Variants in TXNDC5 observed in about 807,000 individuals in gnomAD.
TXNDC5 encodes thioredoxin domain-containing protein 5.
TXNDC5 carries 44 observed loss-of-function variants against 52.6 expected under a neutral mutation model. The observed-to-expected ratio is 0.84, with a 90% CI of 0.66 to 1.08. The LOEUF is 1.08. Ranked by LOEUF, TXNDC5 falls within the 50% of genes least tolerant of loss-of-function variation. The pLI, the probability that TXNDC5 is intolerant of heterozygous loss-of-function variation, is 0.00. For missense variants in TXNDC5, 600 were observed against 565.5 expected (o/e 1.06, Z -0.62); for synonymous variants, 241 against 234.4 (o/e 1.03, Z -0.26).
At chr6:7,883,489 TCA>T (rs774404219) in intron 9 of TXNDC5, among the ~76,000 whole-genome samples, 10 of 152,192 alleles carry the variant, frequency 6.6e-5, no homozygotes, top group Non-Finnish European at 1.3e-4. Flanking sequence ...TCATTAAAGA[TCA>T]GCCTCAAAGG....
intron 1 of TXNDC5, among the ~76,000 whole-genome samples, chr6:7,908,107 A>G (rs1760795273): frequency 6.6e-6 from 1 of 151,936 alleles, no homozygotes; most frequent in South Asian, 2.1e-4. Context: ...ACATGGTGAA[A>G]CCCCATCTCT....
chr6:7,902,468 C>T (rs940597730), intron 2 of TXNDC5, among the ~76,000 whole-genome samples: 1 of 152,196 alleles, frequency 6.6e-6, no homozygotes, highest in South Asian at 2.1e-4. Flanking sequence ...GAAAGAATAA[C>T]GTGAAAGCTC....
rs1318785698 is a variant in TXNDC5 at position 7,903,741 on chromosome 6, G to A, written c.413+833C>T. Among the ~76,000 whole-genome samples, 5 of 152,208 alleles carry A rather than the reference G, an allele frequency of 3.3e-5. No individual in the cohort carries two copies. In the South Asian group the frequency reaches 6.2e-4, roughly 19 times the overall value. On this transcript the variant is annotated intron_variant, in intron 2 of 9. Coordinates refer to ENST00000379757, the MANE Select transcript of TXNDC5 (RefSeq NM_030810.5). Reference sequence around the variant, plus strand: ...TGAAACAAACAGCAAGGAAGTGACCGTGGCAATCCCTCCACCTCCTTCAGA... The same window carrying A: ...TGAAACAAACAGCAAGGAAGTGACCATGGCAATCCCTCCACCTCCTTCAGA...
At chr6:7,884,269 A>G in intron 9 of TXNDC5, 90 bp downstream of exon 9, 1 of 1,542,090 alleles carries the variant, frequency 6.5e-7, no homozygotes, top group Non-Finnish European at 8.9e-7. Context: ...AGAAGATGAG[A>G]GCAGAGTGAG....
intron 1 of TXNDC5, chr6:7,910,208 C>T (rs1171700851): frequency 4.3e-6 from 4 of 940,462 alleles, no homozygotes; most frequent in South Asian, 4.8e-5. Context: ...CGCCTCCCGA[C>T]CCGGAGCCCC....
At chr6:7,888,654 G>A (rs1294653659) in intron 7 of TXNDC5, 51 bp downstream of exon 7, 6 of 1,561,432 alleles carry the variant, frequency 3.8e-6, no homozygotes, top group African/African-American at 1.4e-5. Flanking sequence ...GAGGTGGGGG[G>A]CCGGGGGCCA....
chr6:7,889,615 T>C (rs1203217082), intron 5 of TXNDC5, 34 bp from the exon 6 acceptor site: 1 of 1,559,052 alleles, frequency 6.4e-7, no homozygotes, highest in South Asian at 1.1e-5. Flanking sequence ...TCCCAGTCAG[T>C]TTCTTCATGA....
At position 7,910,621 on chromosome 6, in the gene TXNDC5, T is replaced by C. The variant is rs1760888124; in HGVS notation, c.156A>G (p.Ala52=). The change falls in exon 1 of 10, where the codon GCA becomes GCG. Residue 52 remains alanine (A), a synonymous_variant. Coordinates refer to ENST00000379757, the MANE Select transcript of TXNDC5 (RefSeq NM_030810.5). ...AAAAADGPPA[A]DGEDGQDPHS... ...GCGGGTCCTGTCCGTCCTCGCCGTC[T>C]GCCGCGGGGGGCCCGTCCGCCGCCG... 7.7e-7 allele frequency: 1 copy of C among 1,300,802 alleles called. No homozygotes were observed. 80.6% of individuals were successfully genotyped at this position (1,300,802 alleles called of 1,614,324 possible). A position where few individuals can be genotyped will look rare whatever the true frequency, so the allele number is the denominator to read the frequency against.
intron 3 of TXNDC5, among the ~76,000 whole-genome samples, chr6:7,895,676 T>C (rs1760346170): frequency 6.6e-6 from 1 of 152,020 alleles, no homozygotes; most frequent in African/African-American, 2.4e-5. Context: ...CCCTAGCATT[T>C]TGGGAGGCTG....
At chr6:7,897,018 G>A (rs930478817) in intron 3 of TXNDC5, among the ~76,000 whole-genome samples, 5 of 152,058 alleles carry the variant, frequency 3.3e-5, no homozygotes, top group Non-Finnish European at 7.4e-5. Flanking sequence ...TCAAAAGAAG[G>A]GGGGGTGGAA....
rs1205304456 is a variant in TXNDC5 at position 7,882,830 on chromosome 6, T to C, written c.*314A>G. 1 of 224,802 alleles carries C rather than the reference T, an allele frequency of 4.4e-6. No homozygotes were observed. Among genetic ancestry groups the C allele is most frequent in the Non-Finnish European group, 8.8e-6 (1 of 113,934 alleles). The allele number at this position is 224,802 out of a possible 1,614,324, so 13.9% of individuals were successfully genotyped here. On this transcript the variant is annotated 3_prime_UTR_variant, in exon 10 of 10. Coordinates refer to ENST00000379757, the MANE Select transcript of TXNDC5 (RefSeq NM_030810.5). Reference sequence around the variant, plus strand: ...AGCCACAAATAGTCCAGCAATTTCATTTCCCTCAACGCTATTTTAGTCTCA... The same window carrying C: ...AGCCACAAATAGTCCAGCAATTTCACTTCCCTCAACGCTATTTTAGTCTCA...
At chr6:7,895,233 GTGT>G in intron 3 of TXNDC5, 31 bp from the exon 4 acceptor site, 1 of 1,587,086 alleles carries the variant, frequency 6.3e-7, no homozygotes, top group Non-Finnish European at 8.6e-7. Context: ...AGTCATGGGT[GTGT>G]CAGTGGAGAC....
intron 2 of TXNDC5, 153 bp from the exon 3 acceptor site, chr6:7,899,834 C>T (rs986117740): frequency 2.4e-5 from 13 of 548,276 alleles, no homozygotes; most frequent in Non-Finnish European, 3.9e-5. Context: ...ACAAACATAA[C>T]GTTCCAGGAG....
chr6:7,886,672 A>G (rs11962800), intron 7 of TXNDC5, among the ~76,000 whole-genome samples: 26,225 of 152,222 alleles, frequency 0.17, 2,821 homozygotes, highest in African/African-American at 0.31. Flanking sequence ...AAGGTGCTAC[A>G]TGGTAGTCTG....
chr6:7,888,765 C>T lies in TXNDC5; in HGVS notation c.903G>A (p.Ala301=), dbSNP rs142347872. The T allele has an allele frequency of 6.6e-5, 107 of 1,614,106 alleles. 1 individual carries two copies. The highest frequency in any genetic ancestry group is 1.6e-4 in the Middle Eastern group (1 of 6,062). The part of the protein sequence containing the change: ...ESQLQRTETG[A]TETVTPSEAP... Reference sequence around the variant, plus strand: ...CCTCTGAGGGCGTGACGGTCTCCGTCGCTCCAGTCTCTGTGCGCTGCAGCT... The same window carrying T: ...CCTCTGAGGGCGTGACGGTCTCCGTTGCTCCAGTCTCTGTGCGCTGCAGCT... The change falls in exon 7 of 10, where the codon GCG becomes GCA. Residue 301 remains alanine (A), a synonymous_variant. Coordinates refer to ENST00000379757, the MANE Select transcript of TXNDC5 (RefSeq NM_030810.5).
chr6:7,898,759 C>A (rs1471285508), intron 3 of TXNDC5, among the ~76,000 whole-genome samples: 1 of 138,882 alleles, frequency 7.2e-6, no homozygotes, highest in Admixed American at 7.9e-5. Context: ...AACACTTAAC[C>A]AGTGGTTTAT....
At chr6:7,900,689 G>C (rs1181820337) in intron 2 of TXNDC5, among the ~76,000 whole-genome samples, 5 of 152,210 alleles carry the variant, frequency 3.3e-5, no homozygotes, top group African/African-American at 9.6e-5. Context: ...CCTAGCTCTA[G>C]AGACTGGGAA....
rs1760883261 is a variant in TXNDC5, at chr6:7,910,505, C to A, written c.263+9G>T. 7.0e-7 allele frequency: 1 copy of A among 1,430,520 alleles called. No individual in the cohort carries two copies. Among genetic ancestry groups the A allele is most frequent in the Non-Finnish European group, 9.3e-7 (1 of 1,079,756 alleles). The allele number at this position is 1,430,520 out of a possible 1,614,324, so 88.6% of individuals were successfully genotyped here. A position where few individuals can be genotyped will look rare whatever the true frequency, so the allele number is the denominator to read the frequency against. On this transcript the variant is annotated intron_variant, in intron 1 of 9. Transcript: ENST00000379757. ...GTGCGGGGCAGGGCGCCGGCCTGCGCGGCGTTACCAGGGCGCGAAGAACAT... is the reference window on the plus strand; with the variant it reads ...GTGCGGGGCAGGGCGCCGGCCTGCGAGGCGTTACCAGGGCGCGAAGAACAT...
rs904728889 is a variant in TXNDC5, at chr6:7,888,312, C to G, written c.963+393G>C. On this transcript the variant is annotated intron_variant, in intron 7 of 9. Coordinates refer to ENST00000379757, the MANE Select transcript of TXNDC5 (RefSeq NM_030810.5). ...CCTTTACAACGGGTAAAGGAAAATG[C>G]CCGGAGCAAGGTCAGGAATAGAATC... Among the ~76,000 whole-genome samples the G allele has an allele frequency of 2.6e-5, 4 of 152,230 alleles. No homozygotes were observed. The East Asian group carries it at 7.7e-4, about 29-fold the overall frequency.
Sources: allele counts gnomAD v4.1 joint callset (sites outside exome capture counted in the v4.1 genomes callset), GRCh38; gene constraint gnomAD v4.1.1; transcripts MANE v1.5; gene names NCBI Gene and HGNC (gene_info 2026-07-23, HGNC 2026-07-21).